The following STARD13 variants were observed in gnomAD, a reference collection of about 807,000 sequenced individuals.
STARD13 encodes the protein stAR-related lipid transfer protein 13.
STARD13 carries 62 observed loss-of-function variants against 106.4 expected under a neutral mutation model. That is an observed-to-expected ratio of 0.58 (90% CI 0.48 to 0.72). The LOEUF is 0.72. Ranked by LOEUF, STARD13 falls within the 30% of genes least tolerant of loss-of-function variation. The pLI, the probability that STARD13 is intolerant of heterozygous loss-of-function variation, is 0.00. For missense variants in STARD13, 1,387 were observed against 1,424.0 expected, an observed-to-expected ratio of 0.97 and a Z score of 0.42; for synonymous variants, 565 against 553.0, an observed-to-expected ratio of 1.02 and a Z score of -0.31.
chr13:33,348,917 A>G (rs1241775199), exon 2 of STARD13: 2 of 540,150 alleles, frequency 3.7e-6, no homozygotes, highest in South Asian at 2.2e-5. Flanking sequence ...GGAATCATCC[A>G]TAATCTCCAC....
At chr13:33,531,016 A>G in the STARD13 span, among the ~76,000 whole-genome samples, 1 of 149,250 alleles carries the variant, frequency 6.7e-6, no homozygotes, top group African/African-American at 2.6e-5. Context: ...ACAATTCCAC[A>G]TGTTGTGGGA....
At chr13:33,414,096 T>C in the STARD13 span, among the ~76,000 whole-genome samples, 1 of 146,532 alleles carries the variant, frequency 6.8e-6, no homozygotes, top group Non-Finnish European at 1.5e-5. Context: ...GCATTGTCCA[T>C]AGGAAAAGGC....
At chr13:33,110,163 T>A in intron 11 of STARD13, 73 bp from the exon 12 acceptor site, 1 of 1,380,880 alleles carries the variant, frequency 7.2e-7, no homozygotes, top group Non-Finnish European at 1.0e-6. Flanking sequence ...TTTGGGCTTT[T>A]AGTTTTGCTA....
the STARD13 span, among the ~76,000 whole-genome samples, chr13:33,460,501 AAAAG>A: frequency 6.6e-6 from 1 of 152,008 alleles, no homozygotes; most frequent in Non-Finnish European, 1.5e-5. Context: ...AAAAAAAAAA[AAAAG>A]AAAGATTGTT....
intron 5 of STARD13, 57 bp from the exon 6 acceptor site, chr13:33,127,603 A>T: frequency 6.7e-7 from 1 of 1,481,790 alleles, no homozygotes; most frequent in Non-Finnish European, 8.9e-7. Flanking sequence ...GTAGCGGGAA[A>T]CACGGGACAT....
chr13:33,284,337 C>T (rs181915908), intron 1 of STARD13, among the ~76,000 whole-genome samples: 2 of 152,302 alleles, frequency 1.3e-5, no homozygotes, highest in Admixed American at 1.3e-4. Flanking sequence ...TTTCTGGAAA[C>T]ATTACAATAA....
chr13:33,594,350 A>AG, the STARD13 span, among the ~76,000 whole-genome samples: 5,569 of 152,262 alleles, frequency 0.037, 266 homozygotes, highest in African/African-American at 0.1. Flanking sequence ...AGCTCTGCCA[A>AG]GCTTTTTCTG....
At chr13:33,380,877 G>A in the STARD13 span, among the ~76,000 whole-genome samples, 3 of 152,142 alleles carry the variant, frequency 2.0e-5, no homozygotes, top group Non-Finnish European at 4.4e-5. Context: ...TGTGTCTGGA[G>A]CATAAAGTGC....
intron 4 of STARD13, among the ~76,000 whole-genome samples, chr13:33,136,708 A>G (rs1879103614): frequency 6.6e-6 from 1 of 152,194 alleles, no homozygotes; most frequent in South Asian, 2.1e-4. Context: ...CAACTTCGGG[A>G]CCACCCTTGC....
intron 1 of STARD13, among the ~76,000 whole-genome samples, chr13:33,276,974 G>C (rs558248388): frequency 6.6e-6 from 1 of 151,350 alleles, no homozygotes; most frequent in Non-Finnish European, 1.5e-5. Flanking sequence ...TTTGCTAACA[G>C]CATTAGCATT....
intron 1 of STARD13, among the ~76,000 whole-genome samples, chr13:33,245,898 A>C (rs1473722016): frequency 6.6e-6 from 1 of 152,176 alleles, no homozygotes; most frequent in Non-Finnish European, 1.5e-5. Context: ...GATTAAATTA[A>C]CTGGTAAACT....
intron 1 of STARD13, among the ~76,000 whole-genome samples, chr13:33,312,874 A>C (rs1893194599): frequency 6.6e-6 from 1 of 152,224 alleles, no homozygotes; most frequent in South Asian, 2.1e-4. Context: ...TCCATAAAGC[A>C]CGGTCCATTT....
the STARD13 span, among the ~76,000 whole-genome samples, chr13:33,401,577 A>G: frequency 1.3e-5 from 2 of 152,180 alleles, no homozygotes; most frequent in Admixed American, 6.5e-5. Flanking sequence ...AGACTTCAGG[A>G]TAGTCCAGGG....
chr13:33,428,842 C>A, the STARD13 span, among the ~76,000 whole-genome samples: 1 of 152,112 alleles, frequency 6.6e-6, no homozygotes, highest in Non-Finnish European at 1.5e-5. Context: ...ATGGAATAAT[C>A]TGATCACAAA....
rs564543242 is a variant in STARD13, at chr13:33,167,020, A to C, written c.241+531T>G. 5.7e-4 allele frequency among the ~76,000 whole-genome samples: 87 copies of C among 152,108 alleles called. No individual in the cohort carries two copies. In the East Asian group the frequency reaches 0.016, roughly 29 times the overall value. ...AAAAAAAACAAAAAAAAAACCAAAA[A>C]AAAATCAATGAAAGGAAGTGTAATG... On this transcript the variant is annotated intron_variant, in intron 2 of 13. Coordinates refer to ENST00000336934, the MANE Select transcript of STARD13 (RefSeq NM_178006.4).
At chr13:33,160,215 C>G (rs1015750696) in intron 3 of STARD13, among the ~76,000 whole-genome samples, 1 of 152,042 alleles carries the variant, frequency 6.6e-6, no homozygotes, top group Non-Finnish European at 1.5e-5. Context: ...ATAGTCTTTT[C>G]AATATTGATC....
chr13:33,380,310 G>C, the STARD13 span, among the ~76,000 whole-genome samples: 1 of 151,872 alleles, frequency 6.6e-6, no homozygotes, highest in Admixed American at 6.6e-5. Context: ...AGCTACTTGG[G>C]AGGCTGAGGC....
intron 1 of STARD13, among the ~76,000 whole-genome samples, chr13:33,267,136 G>A (rs1890935321): frequency 6.6e-6 from 1 of 152,208 alleles, no homozygotes; most frequent in African/African-American, 2.4e-5. Context: ...TCTCCGTAGA[G>A]GGTGGGCCCT....
chr13:33,179,923 G>A (rs182829680), intron 1 of STARD13, among the ~76,000 whole-genome samples: 5 of 152,304 alleles, frequency 3.3e-5, no homozygotes, highest in East Asian at 3.9e-4. Flanking sequence ...GCTGAGATTC[G>A]TGTGAACTCA....
Sources: gnomAD v4.1 joint callset for allele counts (sites outside exome capture counted in the v4.1 genomes callset) on GRCh38, gnomAD v4.1.1 for gene constraint, MANE v1.5 for transcripts, NCBI Gene and HGNC (gene_info 2026-07-23, HGNC 2026-07-21) for gene names.